The following GRIK2 variants were observed in gnomAD, a reference collection of about 807,000 sequenced individuals.
GRIK2 encodes glutamate ionotropic receptor kainate type subunit 2, also known as glutamate receptor ionotropic, kainate 2.
In GRIK2, 32 loss-of-function variants were observed where a neutral mutation model predicts 100.3. That is an observed-to-expected ratio of 0.32 (90% CI 0.24 to 0.43). GRIK2 has a LOEUF of 0.43. GRIK2 is among the 20% of genes least tolerant of loss of function. The probability of loss-of-function intolerance (pLI) is 1.00; values close to 1 mark genes in which losing one functional copy is unlikely to be tolerated. For synonymous variants in GRIK2, 417 were observed against 389.4 expected (o/e 1.07, Z -0.83); for missense variants, 843 against 1,114.9 (o/e 0.76, Z 3.47).
intron 14 of GRIK2, among the ~76,000 whole-genome samples, chr6:101,977,091 G>A (rs2852604): frequency 0.66 from 100,040 of 151,658 alleles, 35,143 homozygotes; most frequent in South Asian, 0.79. Flanking sequence ...CAAGTAGGCA[G>A]TGACAGTAAT....
At chr6:101,929,764 AG>A (rs2128472043) in intron 14 of GRIK2, among the ~76,000 whole-genome samples, 1 of 152,300 alleles carries the variant, frequency 6.6e-6, no homozygotes, top group East Asian at 1.9e-4. Context: ...CCCAAAAATA[AG>A]ATAAATTAGA....
intron 12 of GRIK2, among the ~76,000 whole-genome samples, chr6:101,901,738 G>A (rs1244440811): frequency 1.3e-5 from 2 of 151,660 alleles, no homozygotes; most frequent in African/African-American, 4.8e-5. Flanking sequence ...ATCCATTTAA[G>A]ACTAAATCAT....
intron 7 of GRIK2, among the ~76,000 whole-genome samples, chr6:101,788,866 G>A (rs1205337708): frequency 6.6e-6 from 1 of 152,024 alleles, no homozygotes; most frequent in East Asian, 1.9e-4. Context: ...ATCCTCTCCA[G>A]CACCTGTTGT....
At chr6:101,402,450 G>T (rs1416827979) in intron 2 of GRIK2, among the ~76,000 whole-genome samples, 1 of 152,142 alleles carries the variant, frequency 6.6e-6, no homozygotes, top group Non-Finnish European at 1.5e-5. Context: ...GCACAGGCTG[G>T]CCTGCTCCTC....
intron 11 of GRIK2, among the ~76,000 whole-genome samples, chr6:101,882,025 G>A (rs1786284001): frequency 6.6e-6 from 1 of 151,990 alleles, no homozygotes; most frequent in Non-Finnish European, 1.5e-5. Context: ...TGTCTCACAT[G>A]GTGGCAGACA....
chr6:101,458,754 C>T (rs1009193647), intron 2 of GRIK2, among the ~76,000 whole-genome samples: 6 of 152,118 alleles, frequency 3.9e-5, no homozygotes, highest in South Asian at 2.1e-4. Flanking sequence ...TTGGGCTCCT[C>T]GTGAAGAACT....
chr6:101,677,468 T>C (rs570440180), intron 5 of GRIK2, among the ~76,000 whole-genome samples: 7 of 152,202 alleles, frequency 4.6e-5, no homozygotes, highest in African/African-American at 1.7e-4. Flanking sequence ...ACAAAACAAT[T>C]TGTAGCTGTG....
intron 15 of GRIK2, among the ~76,000 whole-genome samples, chr6:102,049,480 G>A (rs1401910658): frequency 6.6e-6 from 1 of 152,008 alleles, no homozygotes; most frequent in Non-Finnish European, 1.5e-5. Flanking sequence ...ATTCTTCCCC[G>A]ACAATAAATT....
At chr6:101,609,371 A>T (rs985654809) in intron 2 of GRIK2, among the ~76,000 whole-genome samples, 2 of 151,884 alleles carry the variant, frequency 1.3e-5, no homozygotes, top group African/African-American at 2.4e-5. Context: ...AAGAATTTTT[A>T]AAATAAATTC....
At chr6:101,832,398 TA>T (rs1782759618) in intron 10 of GRIK2, among the ~76,000 whole-genome samples, 1 of 152,130 alleles carries the variant, frequency 6.6e-6, no homozygotes, top group South Asian at 2.1e-4. Flanking sequence ...TCTTAAATAG[TA>T]AAAAAGAAAC....
At chr6:101,500,353 T>G (rs1370791171) in intron 2 of GRIK2, among the ~76,000 whole-genome samples, 3 of 152,116 alleles carry the variant, frequency 2.0e-5, no homozygotes, top group Non-Finnish European at 4.4e-5. Flanking sequence ...GTGGGATTTA[T>G]GTGAATAAGA....
chr6:101,751,659 AC>A (rs1776796121), intron 7 of GRIK2, among the ~76,000 whole-genome samples: 1 of 152,230 alleles, frequency 6.6e-6, no homozygotes, highest in South Asian at 2.1e-4. Context: ...TCCATCCATT[AC>A]AATAGGTTGA....
intron 2 of GRIK2, among the ~76,000 whole-genome samples, chr6:101,611,295 T>TA (rs1389440227): frequency 6.6e-6 from 1 of 151,884 alleles, no homozygotes; most frequent in Admixed American, 6.6e-5. Flanking sequence ...TTCTCACTCA[T>TA]ATTCTTTATT....
intron 2 of GRIK2, among the ~76,000 whole-genome samples, chr6:101,548,803 C>T (rs1039726773): frequency 6.6e-6 from 1 of 152,114 alleles, no homozygotes; most frequent in Non-Finnish European, 1.5e-5. Flanking sequence ...TTAATAAGTA[C>T]AAAAATCGTA....
rs192397267 is a variant in GRIK2 at position 101,462,865 on chromosome 6, A to G, written c.115+63473A>G. ...GGGGTTTAGTGAAAGGAGGGAATGGATTTAGATGACTGCTGAGTAGGTCTG... is the reference window on the plus strand; with the variant it reads ...GGGGTTTAGTGAAAGGAGGGAATGGGTTTAGATGACTGCTGAGTAGGTCTG... On this transcript the variant is annotated intron_variant, in intron 2 of 16. Coordinates refer to ENST00000369134, the MANE Select transcript of GRIK2 (RefSeq NM_021956.5). Among the ~76,000 whole-genome samples the G allele has an allele frequency of 4.6e-5, 7 of 152,290 alleles. No homozygotes were observed. The East Asian group carries it at 1.4e-3, about 29-fold the overall frequency.
chr6:101,989,208 T>C (rs1277124865), intron 14 of GRIK2, among the ~76,000 whole-genome samples: 1 of 151,956 alleles, frequency 6.6e-6, no homozygotes, highest in Non-Finnish European at 1.5e-5. Context: ...GCATTTAGTA[T>C]GCATATTTAC....
chr6:101,643,386 AT>A (rs961735838), intron 4 of GRIK2, among the ~76,000 whole-genome samples: 1 of 150,710 alleles, frequency 6.6e-6, no homozygotes, highest in Admixed American at 6.6e-5. Flanking sequence ...TTTTGAATTA[AT>A]TTTTTTTCTA....
At chr6:101,623,601 T>TA (rs1435870536) in intron 3 of GRIK2, among the ~76,000 whole-genome samples, 2 of 152,008 alleles carry the variant, frequency 1.3e-5, no homozygotes, top group Non-Finnish European at 1.5e-5. Context: ...ATGAACAGCA[T>TA]AAAAAAACAC....
chr6:101,514,698 A>G (rs958259078), intron 2 of GRIK2, among the ~76,000 whole-genome samples: 1 of 152,150 alleles, frequency 6.6e-6, no homozygotes. Context: ...TCATAATGTT[A>G]AATTACCCCT....
Sources: gnomAD v4.1 joint callset for allele counts (sites outside exome capture counted in the v4.1 genomes callset) on GRCh38, gnomAD v4.1.1 for gene constraint, MANE v1.5 for transcripts, NCBI Gene and HGNC (gene_info 2026-07-23, HGNC 2026-07-21) for gene names.